PON3: variants seen among roughly 807,000 people sequenced by gnomAD.
The protein encoded by PON3 is serum paraoxonase/lactonase 3.
A neutral mutation model predicts 36.3 loss-of-function variants in PON3; 37 were observed. The ratio of observed to expected loss-of-function variants is 1.02; its 90% CI spans 0.78 to 1.34. The LOEUF is 1.34. Ranked by LOEUF, PON3 falls within the 40% of genes most tolerant of loss-of-function variation. The probability of loss-of-function intolerance (pLI) is 0.00; values close to 1 mark genes in which losing one functional copy is unlikely to be tolerated. For missense variants in PON3, 415 were observed against 426.5 expected, an observed-to-expected ratio of 0.97 and a Z score of 0.24; for synonymous variants, 155 against 154.8, an observed-to-expected ratio of 1.00 and a Z score of -0.01.
intron 1 of PON3, among the ~76,000 whole-genome samples, chr7:95,395,037 G>A (rs537534078): frequency 4.2e-4 from 64 of 152,124 alleles, no homozygotes; most frequent in Admixed American, 1.4e-3. Context: ...TTAAATGCAC[G>A]AAATAGCCCT....
intron 5 of PON3, chr7:95,364,475 A>G (rs974548357): frequency 4.0e-6 from 1 of 249,514 alleles, no homozygotes; most frequent in Admixed American, 5.2e-5. Flanking sequence ...GCTTTGGCCA[A>G]TGAAATGAAA....
At chr7:95,394,205 G>C (rs1370423410) in intron 2 of PON3, among the ~76,000 whole-genome samples, 1 of 152,070 alleles carries the variant, frequency 6.6e-6, no homozygotes, top group Non-Finnish European at 1.5e-5. Context: ...CCTGCTGTGA[G>C]GTTCTTGAGG....
chr7:95,375,981 C>T (rs776024674), intron 3 of PON3, among the ~76,000 whole-genome samples: 6 of 152,158 alleles, frequency 3.9e-5, no homozygotes, highest in Non-Finnish European at 5.9e-5. Flanking sequence ...AGTAAATATT[C>T]GAGGACTTGC....
At chr7:95,367,643 G>A (rs985706937) in intron 4 of PON3, among the ~76,000 whole-genome samples, 155 bp from the exon 5 acceptor site, 14 of 152,180 alleles carry the variant, frequency 9.2e-5, no homozygotes, top group African/African-American at 3.4e-4. Flanking sequence ...ACAAATGCCA[G>A]AATCCAGATT....
chr7:95,360,482 G>A (rs17879079), intron 8 of PON3, among the ~76,000 whole-genome samples: 3 of 152,138 alleles, frequency 2.0e-5, no homozygotes, highest in Non-Finnish European at 2.9e-5. Context: ...AGTATGGGGA[G>A]AGAAACAAGA....
At chr7:95,374,215 T>C (rs1202325359) in intron 3 of PON3, among the ~76,000 whole-genome samples, 1 of 152,192 alleles carries the variant, frequency 6.6e-6, no homozygotes, top group African/African-American at 2.4e-5. Flanking sequence ...TGGATGACTT[T>C]ACTTACTACT....
intron 3 of PON3, among the ~76,000 whole-genome samples, chr7:95,383,296 A>G (rs1809105638): frequency 6.6e-6 from 1 of 152,184 alleles, no homozygotes; most frequent in Non-Finnish European, 1.5e-5. Context: ...CCAGCACAAG[A>G]CAGGGATGCC....
intron 5 of PON3, 110 bp downstream of exon 5, chr7:95,367,252 T>G: frequency 2.2e-6 from 3 of 1,383,664 alleles, no homozygotes; most frequent in Non-Finnish European, 3.0e-6. Context: ...TAGAAAAAAA[T>G]CAAAACAATT....
intron 3 of PON3, among the ~76,000 whole-genome samples, chr7:95,374,935 G>A (rs1423182443): frequency 6.6e-6 from 1 of 151,832 alleles, no homozygotes; most frequent in Non-Finnish European, 1.5e-5. Flanking sequence ...AAAGATTCAG[G>A]TATTTCCTTT....
Position 95,394,643 on chromosome 7 carries a change from C to T in PON3, c.145+1G>A, listed in dbSNP as rs1254019132. 1 of 1,613,472 alleles carries T rather than the reference C, an allele frequency of 6.2e-7. No homozygotes were observed. The highest frequency in any genetic ancestry group is 1.3e-5 in the African/African-American group (1 of 74,898). ...TCCTCTTGGTACTGTCACATACATA[C>T]CAAGTTCCTCAATAAGGTGGCAGTT... On this transcript the variant is annotated splice_donor_variant, in intron 2 of 8. Coordinates refer to ENST00000265627, the MANE Select transcript of PON3 (RefSeq NM_000940.3). LOFTEE classifies it high-confidence loss of function.
chr7:95,395,166 T>C (rs912595970), intron 1 of PON3, among the ~76,000 whole-genome samples: 3 of 152,198 alleles, frequency 2.0e-5, no homozygotes, highest in Non-Finnish European at 4.4e-5. Flanking sequence ...ATAGTCAAAC[T>C]CTATCACTTT....
At chr7:95,390,018 G>A (rs889443089) in intron 3 of PON3, 136 bp downstream of exon 3, 1 of 963,550 alleles carries the variant, frequency 1.0e-6, no homozygotes, top group Non-Finnish European at 1.7e-6. Context: ...TTCTGTTTTG[G>A]CTTTTTTAGT....
At chr7:95,378,534 C>G (rs1305936543) in intron 3 of PON3, among the ~76,000 whole-genome samples, 1 of 152,170 alleles carries the variant, frequency 6.6e-6, no homozygotes, top group East Asian at 1.9e-4. Flanking sequence ...AAAGGAAGCC[C>G]ATTAGACTAA....
At chr7:95,376,682 A>G (rs1193618920) in intron 3 of PON3, among the ~76,000 whole-genome samples, 4 of 152,192 alleles carry the variant, frequency 2.6e-5, no homozygotes, top group Non-Finnish European at 5.9e-5. Context: ...AAGGACAAAC[A>G]TTATTTCACA....
At chr7:95,370,545 A>G (rs527658541) in intron 4 of PON3, among the ~76,000 whole-genome samples, 6 of 152,342 alleles carry the variant, frequency 3.9e-5, no homozygotes, top group African/African-American at 1.4e-4. Context: ...CTTTTAAAGC[A>G]GAGCTTGCTA....
Position 95,367,502 on chromosome 7 carries a change from AG to A in PON3, c.368-15del. 6.2e-7 allele frequency: 1 copy of A among 1,611,756 alleles called. No individual in the cohort carries two copies. Among genetic ancestry groups the A allele is most frequent in the Non-Finnish European group, 8.5e-7 (1 of 1,178,796 alleles). ...ACACAGTATTGTCTACATGGAAAAA[AG>A]GGATAATTTCCAAGAAAGTTACCCC... On this transcript the variant is annotated splice_polypyrimidine_tract_variant and intron_variant, in intron 4 of 8. Transcript: ENST00000265627.
intron 3 of PON3, among the ~76,000 whole-genome samples, chr7:95,374,649 A>G (rs1193667651): frequency 6.6e-6 from 1 of 152,184 alleles, no homozygotes; most frequent in African/African-American, 2.4e-5. Flanking sequence ...TGAAGTTAGT[A>G]TTCCACTCCC....
At chr7:95,364,635 C>G (rs1343496165) in intron 5 of PON3, 3 of 167,224 alleles carry the variant, frequency 1.8e-5, no homozygotes, top group Non-Finnish European at 3.9e-5. Context: ...TAATATGAAA[C>G]TGAGTCCCTA....
intron 6 of PON3, 26 bp downstream of exon 6, chr7:95,363,837 A>G: frequency 6.2e-7 from 1 of 1,601,264 alleles, no homozygotes; most frequent in African/African-American, 1.3e-5. Context: ...AGGGCAAAGG[A>G]TAGAAAAATA....
Sources: gnomAD v4.1 joint callset for allele counts (sites outside exome capture counted in the v4.1 genomes callset) on GRCh38, gnomAD v4.1.1 for gene constraint, MANE v1.5 for transcripts, NCBI Gene and HGNC (gene_info 2026-07-23, HGNC 2026-07-21) for gene names.